UST: variants seen among roughly 807,000 people sequenced by gnomAD.
The protein encoded by UST is uronyl 2-sulfotransferase.
A neutral mutation model predicts 45.6 loss-of-function variants in UST; 21 were observed. The observed-to-expected ratio is 0.46, with a 90% CI of 0.33 to 0.66. The LOEUF is 0.66. UST is among the 30% of genes least tolerant of loss of function. The pLI is 0.02. For synonymous variants in UST, 215 were observed against 200.6 expected, an observed-to-expected ratio of 1.07 and a Z score of -0.61; for missense variants, 463 against 512.4, an observed-to-expected ratio of 0.90 and a Z score of 0.93.
rs148638086 is a variant in UST, at chr6:148,787,061, T to A, written c.247+39384T>A. ...CTTTGCCTGCTTTTAATGGGGTTGT[T>A]TTTTTCTTGTAAATTTAAGTTCCTT... On this transcript the variant is annotated intron_variant, in intron 1 of 7. Transcript: ENST00000367463. 2.6e-5 allele frequency among the ~76,000 whole-genome samples: 4 copies of A among 152,354 alleles called. No homozygotes were observed. In the East Asian group the frequency reaches 7.7e-4, roughly 29 times the overall value.
chr6:149,034,834 TTCTCTCTCTCTCTCTCTCTCTCTC>T (rs60813679), intron 7 of UST, among the ~76,000 whole-genome samples: 230 of 45,756 alleles, frequency 5.0e-3, no homozygotes, highest in South Asian at 0.037. Context: ...TTCATGCTCA[TTCTCTCTCTCTCTCTCTCTCTCTC>T]TCTCTCTCTC....
intron 1 of UST, among the ~76,000 whole-genome samples, chr6:148,807,614 G>A (rs1181620493): frequency 6.6e-6 from 1 of 152,176 alleles, no homozygotes; most frequent in East Asian, 1.9e-4. Context: ...AACTATGCCA[G>A]GGGCAACTCA....
intron 2 of UST, among the ~76,000 whole-genome samples, chr6:148,918,007 C>G (rs987232973): frequency 1.3e-5 from 2 of 152,208 alleles, no homozygotes; most frequent in African/African-American, 4.8e-5. Context: ...TCCCGGGTGG[C>G]TGCAAACCAC....
At chr6:148,945,943 G>A (rs774588098) in intron 3 of UST, among the ~76,000 whole-genome samples, 6 of 152,190 alleles carry the variant, frequency 3.9e-5, no homozygotes, top group Non-Finnish European at 7.3e-5. Flanking sequence ...TTAAAACCTT[G>A]AAGAGTTATA....
At chr6:148,973,188 C>G (rs189349568) in intron 5 of UST, among the ~76,000 whole-genome samples, 237 of 152,154 alleles carry the variant, frequency 1.6e-3, no homozygotes, top group African/African-American at 5.5e-3. Flanking sequence ...TATGAATATT[C>G]TATAAATGTC....
At chr6:149,068,951 G>T (rs1369897360) in intron 7 of UST, among the ~76,000 whole-genome samples, 1 of 152,070 alleles carries the variant, frequency 6.6e-6, no homozygotes, top group Non-Finnish European at 1.5e-5. Flanking sequence ...CCTCCTTGTG[G>T]TCAACTTCTT....
chr6:148,873,980 A>G (rs1017303175), intron 1 of UST, among the ~76,000 whole-genome samples: 1 of 152,290 alleles, frequency 6.6e-6, no homozygotes, highest in Non-Finnish European at 1.5e-5. Flanking sequence ...TGTGGCAGCC[A>G]CATGACATCT....
intron 1 of UST, among the ~76,000 whole-genome samples, chr6:148,855,303 C>A (rs1221474370): frequency 1.3e-5 from 2 of 152,208 alleles, no homozygotes; most frequent in Non-Finnish European, 2.9e-5. Flanking sequence ...CTACTTGCCT[C>A]GCCGGGGATT....
chr6:148,930,810 A>G lies in UST; in HGVS notation c.292-10469A>G, dbSNP rs529578739. Among the ~76,000 whole-genome samples, 5 of 152,352 alleles carry G rather than the reference A, an allele frequency of 3.3e-5. 1 individual carries two copies. In the South Asian group the frequency reaches 1.0e-3, roughly 32 times the overall value. On this transcript the variant is annotated intron_variant, in intron 2 of 7. Coordinates refer to ENST00000367463, the MANE Select transcript of UST (RefSeq NM_005715.3). ...TATTTTAAATTATGGGTTATGTTAT[A>G]TAAGCCTAAAACTCAGCTAAGAGAT...
At chr6:148,902,393 A>G (rs1367809127) in intron 2 of UST, among the ~76,000 whole-genome samples, 1 of 142,452 alleles carries the variant, frequency 7.0e-6, no homozygotes, top group African/African-American at 2.6e-5. Context: ...TGCCTGGCTA[A>G]TTTTTTTTTT....
chr6:149,017,143 C>T (rs574803706), intron 5 of UST, among the ~76,000 whole-genome samples: 4 of 152,168 alleles, frequency 2.6e-5, no homozygotes, highest in East Asian at 1.9e-4. Context: ...TTTGGGAGGC[C>T]GAGGCGGGCG....
At chr6:148,879,122 T>A (rs1360432185) in intron 1 of UST, among the ~76,000 whole-genome samples, 1 of 152,144 alleles carries the variant, frequency 6.6e-6, no homozygotes, top group Non-Finnish European at 1.5e-5. Flanking sequence ...ATAAGCTCTA[T>A]GCCCGGAGGT....
intron 2 of UST, among the ~76,000 whole-genome samples, chr6:148,895,593 G>A (rs1405371313): frequency 6.6e-6 from 1 of 152,184 alleles, no homozygotes; most frequent in East Asian, 1.9e-4. Flanking sequence ...TGTTGTGGGA[G>A]GTAGCCAGTG....
chr6:148,962,660 G>A (rs1780686981), intron 4 of UST, among the ~76,000 whole-genome samples: 1 of 152,144 alleles, frequency 6.6e-6, no homozygotes, highest in Non-Finnish European at 1.5e-5. Flanking sequence ...GTATTTCTGA[G>A]AACTAACAAG....
At chr6:148,952,197 T>G in intron 3 of UST, among the ~76,000 whole-genome samples, 1 of 152,242 alleles carries the variant, frequency 6.6e-6, no homozygotes, top group East Asian at 1.9e-4. Flanking sequence ...CCTATGGTTA[T>G]GTCTCCAAAC....
At position 148,985,987 on chromosome 6, in the gene UST, G is replaced by A. The variant is rs184237818; in HGVS notation, c.681+21424G>A. 6.5e-4 allele frequency among the ~76,000 whole-genome samples: 99 copies of A among 152,306 alleles called. No individual in the cohort carries two copies. In the East Asian group the frequency reaches 0.015, roughly 23 times the overall value. On this transcript the variant is annotated intron_variant, in intron 5 of 7. Transcript: ENST00000367463. ...GATCTGATTCCTATAAAGAACAGGG[G>A]AAGGACTATTGGGTAAGGAGAGCCT...
At chr6:148,851,376 T>C (rs1426771629) in intron 1 of UST, among the ~76,000 whole-genome samples, 3 of 152,034 alleles carry the variant, frequency 2.0e-5, no homozygotes, top group African/African-American at 7.2e-5. Flanking sequence ...TCACAAAAAA[T>C]TATAAAGAAA....
chr6:148,985,387 AAACAACAAC>A (rs140686403), intron 5 of UST, among the ~76,000 whole-genome samples: 52,228 of 151,470 alleles, frequency 0.34, 9,616 homozygotes, highest in Non-Finnish European at 0.42. Flanking sequence ...CTTTGAAGCA[AAACAACAAC>A]AACAACAACA....
chr6:149,005,782 T>A (rs2115008321), intron 5 of UST, among the ~76,000 whole-genome samples: 1 of 152,316 alleles, frequency 6.6e-6, no homozygotes, highest in Non-Finnish European at 1.5e-5. Context: ...GAGCCATGTT[T>A]GATGGATGGG....
Sources: gnomAD v4.1 joint callset for allele counts (sites outside exome capture counted in the v4.1 genomes callset) on GRCh38, gnomAD v4.1.1 for gene constraint, MANE v1.5 for transcripts, NCBI Gene and HGNC (gene_info 2026-07-23, HGNC 2026-07-21) for gene names.